SLC35F3: variants seen among roughly 807,000 people sequenced by gnomAD.
SLC35F3 encodes the protein putative thiamine transporter SLC35F3.
A neutral mutation model predicts 49.9 loss-of-function variants in SLC35F3; 25 were observed. That is an observed-to-expected ratio of 0.50 (90% CI 0.37 to 0.70). The LOEUF (loss-of-function observed/expected upper bound fraction) is 0.70. SLC35F3 is among the 30% of genes least tolerant of loss of function. The probability of loss-of-function intolerance (pLI) is 0.00; values close to 1 mark genes in which losing one functional copy is unlikely to be tolerated. For synonymous variants in SLC35F3, 275 were observed against 265.4 expected, an observed-to-expected ratio of 1.04 and a Z score of -0.35; for missense variants, 525 against 639.8, an observed-to-expected ratio of 0.82 and a Z score of 1.94.
chr1:234,054,619 TTGTC>T (rs1321079902), intron 2 of SLC35F3, among the ~76,000 whole-genome samples: 1 of 152,214 alleles, frequency 6.6e-6, no homozygotes, highest in Non-Finnish European at 1.5e-5. Flanking sequence ...TTATTACCGA[TTGTC>T]TGAAGCCTTC....
At chr1:234,309,962 A>G (rs186510259) in intron 4 of SLC35F3, among the ~76,000 whole-genome samples, 4 of 152,334 alleles carry the variant, frequency 2.6e-5, no homozygotes, top group African/African-American at 9.6e-5. Context: ...CAATTACATT[A>G]GAAGCTAGTC....
chr1:234,062,517 A>G (rs1359063586), intron 2 of SLC35F3, among the ~76,000 whole-genome samples: 2 of 152,184 alleles, frequency 1.3e-5, no homozygotes, highest in African/African-American at 4.8e-5. Flanking sequence ...GACCTCTCTG[A>G]CAAACTAGTA....
At chr1:234,296,691 G>A (rs1668597827) in intron 3 of SLC35F3, among the ~76,000 whole-genome samples, 1 of 152,210 alleles carries the variant, frequency 6.6e-6, no homozygotes, top group Non-Finnish European at 1.5e-5. Flanking sequence ...CACACTCTCG[G>A]CACTTCTCAG....
At chr1:234,261,028 T>C (rs1299317132) in intron 3 of SLC35F3, among the ~76,000 whole-genome samples, 1 of 152,184 alleles carries the variant, frequency 6.6e-6, no homozygotes, top group Admixed American at 6.5e-5. Context: ...GAAATTCTTT[T>C]TCCCTTAAAA....
At chr1:234,143,391 C>T (rs1665951125) in intron 2 of SLC35F3, among the ~76,000 whole-genome samples, 2 of 150,272 alleles carry the variant, frequency 1.3e-5, no homozygotes, top group African/African-American at 4.9e-5. Context: ...CAGGTTCAAG[C>T]GATTCTCCTG....
chr1:233,975,994 T>A (rs754564830), intron 2 of SLC35F3, among the ~76,000 whole-genome samples: 3 of 152,000 alleles, frequency 2.0e-5, no homozygotes, highest in South Asian at 4.1e-4. Flanking sequence ...GAGGAAGAAA[T>A]AAGATAATCC....
intron 3 of SLC35F3, among the ~76,000 whole-genome samples, chr1:234,233,600 T>C (rs780464857): frequency 6.6e-5 from 10 of 152,148 alleles, no homozygotes; most frequent in Non-Finnish European, 5.9e-5. Context: ...ATACGGTCAA[T>C]GTAGGAAAAA....
At chr1:233,992,924 C>T (rs1663388017) in intron 2 of SLC35F3, among the ~76,000 whole-genome samples, 1 of 151,966 alleles carries the variant, frequency 6.6e-6, no homozygotes, top group African/African-American at 2.4e-5. Context: ...CTGTCTGGGC[C>T]CCTGTGGCAG....
chr1:234,123,064 A>G (rs1665598985), intron 2 of SLC35F3, among the ~76,000 whole-genome samples: 2 of 152,196 alleles, frequency 1.3e-5, no homozygotes, highest in African/African-American at 4.8e-5. Flanking sequence ...ACAGTGGTTG[A>G]ACTAATTTGT....
chr1:234,269,731 G>C (rs1668067987), intron 3 of SLC35F3, among the ~76,000 whole-genome samples: 1 of 152,186 alleles, frequency 6.6e-6, no homozygotes, highest in South Asian at 2.1e-4. Context: ...CACCCTGTTA[G>C]TTCCCATGAA....
At chr1:234,181,328 T>C (rs1666552719) in intron 2 of SLC35F3, among the ~76,000 whole-genome samples, 1 of 114,922 alleles carries the variant, frequency 8.7e-6, no homozygotes, top group Admixed American at 1.1e-4. Flanking sequence ...GGAGTGAGAC[T>C]CTGTCTCAAG....
In SLC35F3 at chr1:234,320,741, C is replaced by G. The variant is rs889297124; in HGVS notation, c.1237+554C>G. Among the ~76,000 whole-genome samples, 2 of 152,192 alleles carry G rather than the reference C, an allele frequency of 1.3e-5. No homozygotes were observed. Among genetic ancestry groups the G allele is most frequent in the African/African-American group, 4.8e-5 (2 of 41,444 alleles). On this transcript the variant is annotated intron_variant, in intron 7 of 7. Coordinates refer to ENST00000366618, the MANE Select transcript of SLC35F3 (RefSeq NM_173508.4). The surrounding 1 kb of genome is among the most constrained non-coding windows in gnomAD (Gnocchi z 4.8). ...ACGCCCTTTGCCCAGGAACTCGGGA[C>G]TGCCCTTTGTTTTCCCCTGGGGACT...
intron 2 of SLC35F3, among the ~76,000 whole-genome samples, chr1:234,126,925 G>C (rs1665657034): frequency 6.6e-6 from 1 of 152,158 alleles, no homozygotes; most frequent in Non-Finnish European, 1.5e-5. Flanking sequence ...TCAAACTCTT[G>C]ACCTCAAGCA....
chr1:234,275,886 C>T (rs552240198), intron 3 of SLC35F3, among the ~76,000 whole-genome samples: 16 of 151,684 alleles, frequency 1.1e-4, no homozygotes, highest in African/African-American at 2.9e-4. Context: ...TAATGTAAAC[C>T]GAATAAGAAC....
intron 2 of SLC35F3, among the ~76,000 whole-genome samples, chr1:234,149,772 T>A (rs1325741565): frequency 6.6e-6 from 1 of 152,206 alleles, no homozygotes; most frequent in African/African-American, 2.4e-5. Context: ...TGACTACATA[T>A]TACTTTTAAT....
At chr1:234,067,292 A>C (rs1021427161) in intron 2 of SLC35F3, among the ~76,000 whole-genome samples, 3 of 152,228 alleles carry the variant, frequency 2.0e-5, no homozygotes, top group Admixed American at 2.0e-4. Flanking sequence ...TACCTTTAGC[A>C]TACTCGCCTC....
rs372441991 is a variant in SLC35F3, at chr1:234,281,840, C to T, written c.609-27261C>T. Among the ~76,000 whole-genome samples, 5 of 152,208 alleles carry T rather than the reference C, an allele frequency of 3.3e-5. No homozygotes were observed. In the East Asian group the frequency reaches 5.8e-4, roughly 18 times the overall value. On this transcript the variant is annotated intron_variant, in intron 3 of 7. Coordinates refer to ENST00000366618, the MANE Select transcript of SLC35F3 (RefSeq NM_173508.4). ...GTGAAGACTTCTGTTTACTTTGTCT[C>T]GGGGGTAGAGTACATTGTGAAGACC...
chr1:234,022,292 G>A (rs769105689), intron 2 of SLC35F3, among the ~76,000 whole-genome samples: 40 of 152,188 alleles, frequency 2.6e-4, no homozygotes, highest in Non-Finnish European at 4.1e-4. Context: ...ATGCATGTGT[G>A]TAATAAGAGA....
In SLC35F3 at chr1:234,320,688, C is replaced by T. The variant is rs141084790; in HGVS notation, c.1237+501C>T. ...GCTGAAGAAGCGTGAACGGCATTTT[C>T]CCTGACCTCCGGGAAGACAGGGAGA... On this transcript the variant is annotated intron_variant, in intron 7 of 7. Transcript: ENST00000366618. This position sits in a 1 kb window ranked among gnomAD's most constrained non-coding sequence, Gnocchi z 4.8. Among the ~76,000 whole-genome samples, 149 of 152,296 alleles carry T rather than the reference C, an allele frequency of 9.8e-4. No individual in the cohort carries two copies. Among genetic ancestry groups the T allele is most frequent in the Non-Finnish European group, 1.8e-3 (120 of 68,030 alleles).
Sources: gnomAD v4.1 joint callset for allele counts (sites outside exome capture counted in the v4.1 genomes callset) on GRCh38, gnomAD v4.1.1 for gene constraint, Gnocchi (gnomAD v3.1) non-coding constraint, MANE v1.5 for transcripts, NCBI Gene and HGNC (gene_info 2026-07-23, HGNC 2026-07-21) for gene names.